Variants in CHCHD3 observed in about 807,000 individuals in gnomAD.
CHCHD3 encodes the protein MICOS complex subunit MIC19.
Under a neutral mutation model 38.2 loss-of-function variants are expected in CHCHD3, and 20 were observed. The ratio of observed to expected loss-of-function variants is 0.52; its 90% CI spans 0.37 to 0.76. The LOEUF is 0.76. Ranked by LOEUF, CHCHD3 falls within the 30% of genes least tolerant of loss-of-function variation. The pLI, the probability that CHCHD3 is intolerant of heterozygous loss-of-function variation, is 0.00. For synonymous variants in CHCHD3, 82 were observed against 100.0 expected (o/e 0.82, Z 1.07); for missense variants, 245 against 279.2 (o/e 0.88, Z 0.87).
In CHCHD3 at chr7:133,035,897, C is replaced by G; in HGVS notation, c.170-11270G>C. On this transcript the variant is annotated intron_variant, in intron 2 of 7. Coordinates refer to ENST00000262570, the MANE Select transcript of CHCHD3 (RefSeq NM_017812.4). The surrounding 1 kb of genome is among the most constrained non-coding windows in gnomAD (Gnocchi z 4.7). ...TGAAGGCCCTCCAGTTTTCAGGATA[C>G]GTGTACAGGGTCCCAGCCGCCATGG... The G allele has an allele frequency of 2.5e-6, 4 of 1,610,292 alleles. No individual in the cohort carries two copies. Among genetic ancestry groups the G allele is most frequent in the Admixed American group, 3.3e-5 (2 of 59,722 alleles).
At chr7:132,881,500 G>C (rs1166200415) in intron 5 of CHCHD3, among the ~76,000 whole-genome samples, 1 of 152,124 alleles carries the variant, frequency 6.6e-6, no homozygotes, top group Non-Finnish European at 1.5e-5. Context: ...ATGCGCAGAT[G>C]GTAAGGTTAT....
chr7:132,984,016 A>ACGGTCTCCCTCTCCCCC (rs1811996844), intron 3 of CHCHD3, among the ~76,000 whole-genome samples: 2 of 144,006 alleles, frequency 1.4e-5, no homozygotes, highest in African/African-American at 5.2e-5. Context: ...CCCTCTCCCC[A>ACGGTCTCCCTCTCCCCC]CGGTCTCCCT....
intron 3 of CHCHD3, among the ~76,000 whole-genome samples, chr7:132,979,854 T>C (rs1811872655): frequency 6.6e-6 from 1 of 152,192 alleles, no homozygotes; most frequent in African/African-American, 2.4e-5. Flanking sequence ...CCATTCTCCA[T>C]TTCCCCAACC....
chr7:132,818,590 T>C (rs1224107022), intron 6 of CHCHD3, among the ~76,000 whole-genome samples: 2 of 152,214 alleles, frequency 1.3e-5, no homozygotes, highest in East Asian at 1.9e-4. Flanking sequence ...ATTGGTGTTC[T>C]TGATAGACAG....
chr7:132,972,625 C>T, intron 4 of CHCHD3: 18 of 985,394 alleles, frequency 1.8e-5, no homozygotes, highest in Non-Finnish European at 2.2e-5. Context: ...ATGTCACTGG[C>T]AGCCATGTTG....
chr7:132,788,284 C>T lies in CHCHD3; in HGVS notation c.661-2624G>A, dbSNP rs1806375663. On this transcript the variant is annotated intron_variant, in intron 7 of 7. Transcript: ENST00000262570. The surrounding 1 kb of genome is among the most constrained non-coding windows in gnomAD (Gnocchi z 4.0). ...AAAGTGATCTCTTTATAAATGATGCCACTTAGCCATTTGCATTTGGGGGGG... is the reference window on the plus strand; with the variant it reads ...AAAGTGATCTCTTTATAAATGATGCTACTTAGCCATTTGCATTTGGGGGGG... 6.6e-6 allele frequency among the ~76,000 whole-genome samples: 1 copy of T among 152,104 alleles called. No homozygotes were observed. Among genetic ancestry groups the T allele is most frequent in the African/African-American group, 2.4e-5 (1 of 41,416 alleles).
At chr7:132,986,123 G>A (rs1188215284) in intron 3 of CHCHD3, among the ~76,000 whole-genome samples, 1 of 150,302 alleles carries the variant, frequency 6.7e-6, no homozygotes, top group East Asian at 2.0e-4. Context: ...TGTGCTCTCT[G>A]AAACAGGTGC....
At chr7:132,973,092 GTTTT>G in intron 4 of CHCHD3, 11 of 985,284 alleles carry the variant, frequency 1.1e-5, no homozygotes, top group Non-Finnish European at 1.2e-5. Flanking sequence ...TATTTAATGA[GTTTT>G]TTGAGTTTTT....
chr7:133,065,741 C>T (rs1814650304), intron 2 of CHCHD3, among the ~76,000 whole-genome samples: 2 of 152,124 alleles, frequency 1.3e-5, no homozygotes, highest in Admixed American at 6.5e-5. Context: ...AAACTCAGAA[C>T]AAAACATAAA....
intron 4 of CHCHD3, among the ~76,000 whole-genome samples, chr7:132,957,646 A>AC (rs1811217031): frequency 1.3e-5 from 2 of 151,976 alleles, no homozygotes; most frequent in South Asian, 4.2e-4. Context: ...GCACCTGGCT[A>AC]ATTTTTGTAT....
intron 4 of CHCHD3, 21 bp downstream of exon 4, chr7:132,975,148 T>A: frequency 6.3e-7 from 1 of 1,587,082 alleles, no homozygotes; most frequent in Non-Finnish European, 8.6e-7. Flanking sequence ...AGAAAATTTC[T>A]CCTACATTTT....
intron 2 of CHCHD3, among the ~76,000 whole-genome samples, chr7:133,043,250 GA>G (rs1213628357): frequency 1.4e-4 from 22 of 151,926 alleles, no homozygotes; most frequent in Admixed American, 1.4e-3. Flanking sequence ...CTTTAATTAT[GA>G]AAAAAATTTA....
chr7:133,050,360 A>G (rs1814123769), intron 2 of CHCHD3, among the ~76,000 whole-genome samples: 1 of 145,212 alleles, frequency 6.9e-6, no homozygotes, highest in Admixed American at 6.8e-5. Context: ...AAAAAAAAAA[A>G]AAAAAAAAAA....
chr7:132,967,936 C>T lies in CHCHD3; in HGVS notation c.369+7233G>A, dbSNP rs572975918. 2.0e-5 allele frequency among the ~76,000 whole-genome samples: 3 copies of T among 152,096 alleles called. No individual in the cohort carries two copies. In the East Asian group the frequency reaches 5.8e-4, roughly 29 times the overall value. ...TTAATCTGGGCAAGTTTTCAGGATA[C>T]AAGCAAACTTTAAATCTGTAATCGC... is the stretch of plus-strand genomic sequence containing the variant. On this transcript the variant is annotated intron_variant, in intron 4 of 7. Transcript: ENST00000262570.
intron 4 of CHCHD3, among the ~76,000 whole-genome samples, chr7:132,886,722 T>A (rs1407784634): frequency 6.6e-6 from 1 of 151,332 alleles, no homozygotes; most frequent in East Asian, 1.9e-4. Flanking sequence ...TTTGTGTGTA[T>A]CTTTTAATAA....
At chr7:132,920,781 T>C (rs960744197) in intron 4 of CHCHD3, among the ~76,000 whole-genome samples, 1 of 152,102 alleles carries the variant, frequency 6.6e-6, no homozygotes, top group South Asian at 2.1e-4. Flanking sequence ...ATTGTTGTAT[T>C]GTTTATATGC....
At chr7:132,969,419 C>G (rs930529559) in intron 4 of CHCHD3, among the ~76,000 whole-genome samples, 3 of 152,114 alleles carry the variant, frequency 2.0e-5, no homozygotes, top group African/African-American at 7.2e-5. Context: ...AATGTTCTTG[C>G]CCAGAGCTGA....
intron 5 of CHCHD3, among the ~76,000 whole-genome samples, chr7:132,873,410 G>A (rs917858721): frequency 6.8e-5 from 7 of 103,168 alleles, no homozygotes; most frequent in African/African-American, 2.8e-4. Context: ...TCAATTCATG[G>A]TAAATTTTTT....
intron 7 of CHCHD3, 58 bp from the exon 8 acceptor site, chr7:132,785,718 G>T: frequency 2.0e-6 from 3 of 1,516,174 alleles, no homozygotes; most frequent in East Asian, 4.5e-5. Context: ...AAAATAAATG[G>T]CACTAACTAT....
Sources: gnomAD v4.1 joint callset for allele counts (sites outside exome capture counted in the v4.1 genomes callset) on GRCh38, gnomAD v4.1.1 for gene constraint, Gnocchi (gnomAD v3.1) non-coding constraint, MANE v1.5 for transcripts, NCBI Gene and HGNC (gene_info 2026-07-23, HGNC 2026-07-21) for gene names.